The following RSF1 variants were observed in gnomAD, a reference collection of about 807,000 sequenced individuals.
RSF1 encodes the protein HBV pX-associated protein 8.
Under a neutral mutation model 145.2 loss-of-function variants are expected in RSF1, and 13 were observed. The ratio of observed to expected loss-of-function variants is 0.09; its 90% confidence interval spans 0.06 to 0.14. RSF1 has a LOEUF of 0.14. RSF1 is among the 10% of genes least tolerant of loss of function. The probability of loss-of-function intolerance (pLI) is 1.00; values close to 1 mark genes in which losing one functional copy is unlikely to be tolerated. For synonymous variants in RSF1, 577 were observed against 592.6 expected (o/e 0.97, Z 0.38); for missense variants, 1,517 against 1,718.2 (o/e 0.88, Z 2.07).
At chr11:77,691,580 T>C in intron 8 of RSF1, 1 of 210,558 alleles carries the variant, frequency 4.7e-6, no homozygotes, top group Non-Finnish European at 9.5e-6. Flanking sequence ...CAAGATGTTT[T>C]AAAGGGAGAA....
chr11:77,828,630 C>G, the RSF1 span, among the ~76,000 whole-genome samples: 1 of 147,868 alleles, frequency 6.8e-6, no homozygotes, highest in African/African-American at 2.5e-5. Flanking sequence ...AAGATCGCAC[C>G]ACTGCACTGC....
chr11:77,672,094 A>C lies in RSF1; in HGVS notation c.3699T>G (p.Gly1233=). 1.9e-6 allele frequency: 3 copies of C among 1,614,000 alleles called. No individual in the cohort carries two copies. In the South Asian group the frequency reaches 3.3e-5, roughly 18 times the overall value. Residue 1233 remains glycine (G), a synonymous_variant, in exon 15 of 16, where the codon GGT becomes GGG. Coordinates refer to ENST00000308488, the MANE Select transcript of RSF1 (RefSeq NM_016578.4). ...GCTTGTGTACTCGCCTTATTTCTTT[A>C]CCACGTCGCAAACTCTTCTGGGAAC... is the stretch of plus-strand genomic sequence containing the variant. The part of the protein sequence containing the change: ...SDGSQKSLRR[G]KEIRRVHKRR...
intron 15 of RSF1, among the ~76,000 whole-genome samples, chr11:77,668,752 T>C (rs1006649823): frequency 4.6e-5 from 7 of 152,214 alleles, no homozygotes; most frequent in Non-Finnish European, 8.8e-5. Flanking sequence ...GTAGGTTATA[T>C]GCGAATATGA....
the RSF1 span, among the ~76,000 whole-genome samples, chr11:77,859,513 A>G: frequency 6.6e-6 from 1 of 152,172 alleles, no homozygotes; most frequent in Non-Finnish European, 1.5e-5. Flanking sequence ...GAGTCTGTAT[A>G]TATATTTACC....
chr11:77,693,772 T>TATTA (rs1960216054), intron 7 of RSF1, among the ~76,000 whole-genome samples, 161 bp from the exon 8 acceptor site: 1 of 101,772 alleles, frequency 9.8e-6, no homozygotes, highest in Non-Finnish European at 1.8e-5. Context: ...GACATTTATT[T>TATTA]ATTTATTTAT....
chr11:77,864,629 T>G, the RSF1 span, among the ~76,000 whole-genome samples: 1,168 of 152,160 alleles, frequency 7.7e-3, 13 homozygotes, highest in African/African-American at 0.026. Context: ...ATAGAAGGAA[T>G]AGTAGATACT....
chr11:77,671,559 T>C (rs535462426), intron 15 of RSF1, among the ~76,000 whole-genome samples: 6 of 152,014 alleles, frequency 3.9e-5, no homozygotes, highest in Admixed American at 6.5e-5. Context: ...TAGCCTCTTA[T>C]CGAGTATCTT....
intron 9 of RSF1, among the ~76,000 whole-genome samples, chr11:77,690,068 A>T (rs1960110585): frequency 1.3e-5 from 2 of 151,964 alleles, no homozygotes; most frequent in East Asian, 3.9e-4. Flanking sequence ...AGGCTGAGGC[A>T]AAAAAATCAC....
chr11:77,789,619 C>G (rs982380109), intron 1 of RSF1, among the ~76,000 whole-genome samples: 1 of 152,216 alleles, frequency 6.6e-6, no homozygotes, highest in African/African-American at 2.4e-5. Flanking sequence ...TAAGCTACTA[C>G]CATAGAAGGC....
At chr11:77,744,436 C>T (rs1158073975) in intron 3 of RSF1, among the ~76,000 whole-genome samples, 1 of 152,146 alleles carries the variant, frequency 6.6e-6, no homozygotes, top group Non-Finnish European at 1.5e-5. Flanking sequence ...GCAGCTAGGT[C>T]TACAGGTACA....
chr11:77,684,890 G>C (rs1959962643), intron 10 of RSF1, among the ~76,000 whole-genome samples: 1 of 152,120 alleles, frequency 6.6e-6, no homozygotes, highest in South Asian at 2.1e-4. Context: ...AGGAGGCTGA[G>C]GCAGGAGAAT....
chr11:77,686,897 CATGTTGCTT>C (rs2135832289), intron 9 of RSF1, among the ~76,000 whole-genome samples: 1 of 152,258 alleles, frequency 6.6e-6, no homozygotes, highest in South Asian at 2.1e-4. Context: ...GTACCCAATA[CATGTTGCTT>C]AAATGTTGAA....
At chr11:77,862,641 C>T in the RSF1 span, among the ~76,000 whole-genome samples, 2 of 152,072 alleles carry the variant, frequency 1.3e-5, no homozygotes, top group East Asian at 1.9e-4. Context: ...GAGGTAGACT[C>T]GAGGGCTTCC....
intron 1 of RSF1, among the ~76,000 whole-genome samples, chr11:77,795,525 C>T (rs752309353): frequency 7.9e-5 from 12 of 152,096 alleles, no homozygotes; most frequent in South Asian, 2.1e-4. Context: ...ATCAGACACA[C>T]AGACCAATGA....
At chr11:77,810,254 T>C (rs920764829) in intron 1 of RSF1, among the ~76,000 whole-genome samples, 11 of 152,194 alleles carry the variant, frequency 7.2e-5, no homozygotes, top group African/African-American at 2.4e-4. Flanking sequence ...ATAGCAGCAA[T>C]GTTACAACAA....
Position 77,675,192 on chromosome 11 carries a change from T to C in RSF1, c.3406A>G (p.Asn1136Asp). 8.7e-6 allele frequency: 14 copies of C among 1,614,152 alleles called. No homozygotes were observed. Among genetic ancestry groups the C allele is most frequent in the Non-Finnish European group, 1.2e-5 (14 of 1,180,012 alleles). The change falls in exon 14 of 16, where the codon AAT becomes GAT. Residue 1136 changes from asparagine to aspartate, a missense_variant. Physicochemically the swap from Asn to Asp is conservative, Grantham distance 23. This residue lies in a region of RSF1 where 231 missense variants were observed against 276.6 expected (regional missense o/e 0.84). Coordinates refer to ENST00000308488, the MANE Select transcript of RSF1 (RefSeq NM_016578.4). Reference sequence around the variant, plus strand: ...CAAAAGTCAGTGTCACTGTCATCATTAGATGGCGGATCTTCTTCACTTTCA... The same window carrying C: ...CAAAAGTCAGTGTCACTGTCATCATCAGATGGCGGATCTTCTTCACTTTCA... Reference protein sequence around the residue: ...PDESEEDPPSNDDSDTDFCSR... With the variant: ...PDESEEDPPSDDDSDTDFCSR...
At chr11:77,779,346 T>C (rs562826870) in intron 1 of RSF1, among the ~76,000 whole-genome samples, 10 of 152,060 alleles carry the variant, frequency 6.6e-5, no homozygotes, top group African/African-American at 2.4e-4. Context: ...TAGCTAGGAC[T>C]ATAGGCACAC....
intron 1 of RSF1, among the ~76,000 whole-genome samples, chr11:77,810,876 T>C (rs1307396670): frequency 1.3e-5 from 2 of 152,220 alleles, no homozygotes; most frequent in Non-Finnish European, 2.9e-5. Flanking sequence ...AGTAAATTTT[T>C]TTCTGTAAAG....
At chr11:77,864,721 G>A in the RSF1 span, among the ~76,000 whole-genome samples, 2 of 152,206 alleles carry the variant, frequency 1.3e-5, no homozygotes, top group Non-Finnish European at 2.9e-5. Context: ...GCTCACACCT[G>A]TAATCTCAAC....
Sources: gnomAD v4.1 joint callset for allele counts (sites outside exome capture counted in the v4.1 genomes callset) on GRCh38, gnomAD v4.1.1 for gene constraint, gnomAD v4.1.1 regional missense constraint, MANE v1.5 for transcripts, NCBI Gene and HGNC (gene_info 2026-07-23, HGNC 2026-07-21) for gene names.